The following TAFA2 variants were observed in gnomAD, a reference collection of about 807,000 sequenced individuals.
TAFA2 encodes the protein TAFA chemokine like family member 2.
TAFA2 carries 7 observed loss-of-function variants against 18.8 expected under a neutral mutation model. The ratio of observed to expected loss-of-function variants is 0.37; its 90% confidence interval spans 0.21 to 0.70. TAFA2 has a LOEUF of 0.70. Ranked by LOEUF, TAFA2 falls within the 30% of genes least tolerant of loss-of-function variation. TAFA2 has a pLI of 0.53. For synonymous variants in TAFA2, 60 were observed against 54.2 expected, an observed-to-expected ratio of 1.11 and a Z score of -0.47; for missense variants, 122 against 158.1, an observed-to-expected ratio of 0.77 and a Z score of 1.23.
At chr12:61,827,406 G>A (rs548446561) in intron 2 of TAFA2, among the ~76,000 whole-genome samples, 8 of 152,010 alleles carry the variant, frequency 5.3e-5, no homozygotes, top group Non-Finnish European at 1.0e-4. Flanking sequence ...TGAGGAAACA[G>A]GAGGTTCTCT....
chr12:62,050,889 C>T (rs1204791727), intron 1 of TAFA2, among the ~76,000 whole-genome samples: 1 of 152,156 alleles, frequency 6.6e-6, no homozygotes, highest in Non-Finnish European at 1.5e-5. Flanking sequence ...TTCTAGAGTG[C>T]TGGTTATCAA....
chr12:62,205,179 G>A (rs1298057986), intron 1 of TAFA2, among the ~76,000 whole-genome samples: 1 of 152,224 alleles, frequency 6.6e-6, no homozygotes, highest in Non-Finnish European at 1.5e-5. Flanking sequence ...CTGCACAATA[G>A]CAAAGATGGC....
chr12:62,057,770 G>T (rs1882224416), intron 1 of TAFA2, among the ~76,000 whole-genome samples: 1 of 152,014 alleles, frequency 6.6e-6, no homozygotes, highest in African/African-American at 2.4e-5. Flanking sequence ...TCAATTATTT[G>T]CAATTGCCAT....
chr12:61,897,025 A>G (rs188815026), intron 1 of TAFA2, among the ~76,000 whole-genome samples: 1 of 152,218 alleles, frequency 6.6e-6, no homozygotes, highest in Non-Finnish European at 1.5e-5. Flanking sequence ...ATATTATTTG[A>G]TACATATAAA....
chr12:62,255,502 GT>G (rs1468396851), intron 1 of TAFA2, among the ~76,000 whole-genome samples: 1 of 152,052 alleles, frequency 6.6e-6, no homozygotes, highest in African/African-American at 2.4e-5. Context: ...GCCTATTAAG[GT>G]TTTTTTATTA....
At chr12:61,966,676 T>C (rs1305129867) in intron 1 of TAFA2, among the ~76,000 whole-genome samples, 2 of 151,912 alleles carry the variant, frequency 1.3e-5, no homozygotes, top group African/African-American at 4.8e-5. Flanking sequence ...TAAATACTTA[T>C]GCAATTAAAT....
At chr12:61,720,706 C>T (rs971898594) in intron 4 of TAFA2, 32 of 362,186 alleles carry the variant, frequency 8.8e-5, no homozygotes, top group East Asian at 2.2e-4. Flanking sequence ...TAAACCAAGA[C>T]GGGAGCTCAT....
At chr12:61,924,584 A>G (rs969729253) in intron 1 of TAFA2, among the ~76,000 whole-genome samples, 2 of 152,242 alleles carry the variant, frequency 1.3e-5, no homozygotes, top group Admixed American at 6.5e-5. Context: ...GAGTTCTTGA[A>G]GGAAGTACTA....
At chr12:62,022,377 A>T (rs997493803) in intron 1 of TAFA2, among the ~76,000 whole-genome samples, 5 of 152,166 alleles carry the variant, frequency 3.3e-5, no homozygotes, top group Non-Finnish European at 5.9e-5. Flanking sequence ...ATGTAATGCC[A>T]TTTTCTTCCA....
chr12:62,139,559 TCTC>T (rs1011781825), intron 1 of TAFA2, among the ~76,000 whole-genome samples: 13 of 152,164 alleles, frequency 8.5e-5, no homozygotes, highest in African/African-American at 2.9e-4. Context: ...TAATACCTCT[TCTC>T]CTGGTTTGGG....
At chr12:61,940,134 A>G (rs188332574) in intron 1 of TAFA2, among the ~76,000 whole-genome samples, 36 of 152,362 alleles carry the variant, frequency 2.4e-4, no homozygotes, top group African/African-American at 8.7e-4. Flanking sequence ...GTTACCTTAT[A>G]GTATGGGAAG....
chr12:62,137,238 T>C (rs928155131), intron 1 of TAFA2, among the ~76,000 whole-genome samples: 1 of 152,150 alleles, frequency 6.6e-6, no homozygotes, highest in Admixed American at 6.6e-5. Flanking sequence ...CAAATAAACT[T>C]ACACTGTAAA....
chr12:62,012,584 C>T (rs924800499), intron 1 of TAFA2, among the ~76,000 whole-genome samples: 2 of 152,144 alleles, frequency 1.3e-5, no homozygotes, highest in African/African-American at 4.8e-5. Flanking sequence ...AAAAAAGTCT[C>T]TACAGGAGTA....
intron 4 of TAFA2, among the ~76,000 whole-genome samples, chr12:61,733,514 A>T (rs971272449): frequency 6.0e-5 from 9 of 150,896 alleles, no homozygotes; most frequent in African/African-American, 1.9e-4. Flanking sequence ...TCCCAGCACC[A>T]TTTATTAAAT....
At chr12:62,248,831 A>G (rs1289833096) in intron 1 of TAFA2, among the ~76,000 whole-genome samples, 1 of 152,188 alleles carries the variant, frequency 6.6e-6, no homozygotes, top group Non-Finnish European at 1.5e-5. Context: ...GTACATTAAC[A>G]TTGTTGTGCA....
intron 2 of TAFA2, among the ~76,000 whole-genome samples, chr12:61,831,750 T>C (rs1023146221): frequency 6.6e-6 from 1 of 152,114 alleles, no homozygotes; most frequent in Non-Finnish European, 1.5e-5. Context: ...GTGCACAACG[T>C]GCAGGTTTGT....
At chr12:61,933,138 G>A (rs1438752994) in intron 1 of TAFA2, among the ~76,000 whole-genome samples, 14 of 152,118 alleles carry the variant, frequency 9.2e-5, no homozygotes, top group Admixed American at 9.2e-4. Context: ...GAATCAGGAA[G>A]GAAACTTTGT....
intron 2 of TAFA2, among the ~76,000 whole-genome samples, chr12:61,774,898 G>A (rs12366467): frequency 0.021 from 3,192 of 151,572 alleles, 52 homozygotes; most frequent in Non-Finnish European, 0.032. Flanking sequence ...CCACAGACTG[G>A]GTGAAAATGT....
chr12:62,183,640 C>T (rs745823359), intron 1 of TAFA2, among the ~76,000 whole-genome samples: 13 of 152,188 alleles, frequency 8.5e-5, no homozygotes, highest in Non-Finnish European at 1.5e-4. Flanking sequence ...CTACTTCGGC[C>T]TCCCAAAGTG....
Sources: gnomAD v4.1 joint callset for allele counts (sites outside exome capture counted in the v4.1 genomes callset) on GRCh38, gnomAD v4.1.1 for gene constraint, MANE v1.5 for transcripts, NCBI Gene and HGNC (gene_info 2026-07-23, HGNC 2026-07-21) for gene names.